The following ENPP6 variants were observed in gnomAD, a reference collection of about 807,000 sequenced individuals.
ENPP6 encodes glycerophosphocholine cholinephosphodiesterase ENPP6.
Under a neutral mutation model 42.0 loss-of-function variants are expected in ENPP6, and 32 were observed. The ratio of observed to expected loss-of-function variants is 0.76; its 90% CI spans 0.58 to 1.02. ENPP6 has a LOEUF of 1.02. Among genes scored for constraint, ENPP6 ranks in the 50% least tolerant of loss-of-function variants. ENPP6 has a pLI of 0.00. For missense variants in ENPP6, 552 were observed against 566.8 expected (o/e 0.97, Z 0.27); for synonymous variants, 213 against 216.0 (o/e 0.99, Z 0.12).
At chr4:184,201,862 A>G (rs951331611) in intron 1 of ENPP6, among the ~76,000 whole-genome samples, 2 of 152,096 alleles carry the variant, frequency 1.3e-5, no homozygotes, top group Non-Finnish European at 2.9e-5. Context: ...CATTACAGAG[A>G]GTATAGTTTA....
intron 2 of ENPP6, among the ~76,000 whole-genome samples, chr4:184,130,688 T>G (rs572814983): frequency 6.7e-6 from 1 of 148,610 alleles, no homozygotes; most frequent in East Asian, 1.9e-4. Flanking sequence ...CTAAACTACA[T>G]TCTATATCAT....
chr4:184,119,723 T>A (rs545171418), intron 3 of ENPP6, among the ~76,000 whole-genome samples: 11 of 152,248 alleles, frequency 7.2e-5, no homozygotes, highest in African/African-American at 2.2e-4. Context: ...GGGAGGTGAT[T>A]GGAGCATGGG....
chr4:184,113,915 C>CTT (rs1242906206), intron 5 of ENPP6, among the ~76,000 whole-genome samples: 1 of 127,436 alleles, frequency 7.8e-6, no homozygotes. Flanking sequence ...TTCTTTCTTT[C>CTT]TTTCTTTCTT....
intron 6 of ENPP6, among the ~76,000 whole-genome samples, chr4:184,102,182 C>T (rs41508148): frequency 0.012 from 1,881 of 152,276 alleles, 35 homozygotes; most frequent in Middle Eastern, 0.041. Flanking sequence ...ACAGTTTGTT[C>T]GACACTTGCC....
At chr4:184,211,320 A>G (rs1310316506) in intron 1 of ENPP6, among the ~76,000 whole-genome samples, 3 of 152,184 alleles carry the variant, frequency 2.0e-5, no homozygotes, top group Admixed American at 2.0e-4. Flanking sequence ...GAAAGGATCA[A>G]CAAAATTGAT....
rs191244677 is a variant in ENPP6, at chr4:184,171,247, T to C, written c.242-17514A>G. Among the ~76,000 whole-genome samples the C allele has an allele frequency of 1.3e-3, 193 of 152,304 alleles. 1 individual carries two copies. The highest frequency in any genetic ancestry group is 3.6e-3 in the African/African-American group (151 of 41,552). On this transcript the variant is annotated intron_variant, in intron 1 of 7. Transcript: ENST00000296741. The stretch of plus-strand genomic sequence containing the variant: ...GCTGCTGGCTGAGACCTTAGCTGGG[T>C]TGTCAGCAGCTGCATCCACCTGTGG...
At chr4:184,143,645 C>T (rs945705415) in intron 2 of ENPP6, among the ~76,000 whole-genome samples, 4 of 152,330 alleles carry the variant, frequency 2.6e-5, no homozygotes, top group African/African-American at 9.6e-5. Flanking sequence ...ATGGCCAATC[C>T]CGGAATTCTC....
chr4:184,113,564 T>C (rs1289778535), intron 5 of ENPP6, among the ~76,000 whole-genome samples: 1 of 152,176 alleles, frequency 6.6e-6, no homozygotes, highest in Non-Finnish European at 1.5e-5. Flanking sequence ...TGCTCTAATA[T>C]TATGTCAAAA....
At chr4:184,132,034 G>A (rs1280400861) in intron 2 of ENPP6, among the ~76,000 whole-genome samples, 2 of 152,116 alleles carry the variant, frequency 1.3e-5, no homozygotes, top group African/African-American at 4.8e-5. Context: ...AAGCGATTAG[G>A]TAGGAAGGAG....
At position 184,164,738 on chromosome 4, in the gene ENPP6, C is replaced by T. The variant is rs551398556; in HGVS notation, c.242-11005G>A. On this transcript the variant is annotated intron_variant, in intron 1 of 7. Coordinates refer to ENST00000296741, the MANE Select transcript of ENPP6 (RefSeq NM_153343.4). ...CTAGGAAAGGAATTCCACATTTCGT[C>T]CTCACCGTGGCCCTAAGGGATAAGT... Among the ~76,000 whole-genome samples, 36 of 152,326 alleles carry T rather than the reference C, an allele frequency of 2.4e-4. No individual in the cohort carries two copies. The South Asian group carries it at 6.8e-3, about 29-fold the overall frequency.
chr4:184,155,744 G>A (rs2111079756), intron 1 of ENPP6, among the ~76,000 whole-genome samples: 1 of 152,318 alleles, frequency 6.6e-6, no homozygotes, highest in South Asian at 2.1e-4. Flanking sequence ...TCACAAGGCT[G>A]CATACAAGGA....
At chr4:184,192,768 T>C (rs1732727913) in intron 1 of ENPP6, among the ~76,000 whole-genome samples, 1 of 152,228 alleles carries the variant, frequency 6.6e-6, no homozygotes, top group African/African-American at 2.4e-5. Flanking sequence ...ACAATCTAAT[T>C]TTTAAAATGA....
rs1296143793 is a variant in ENPP6 at position 184,096,073 on chromosome 4, C to A, written c.1117+1172G>T. Among the ~76,000 whole-genome samples the A allele has an allele frequency of 3.9e-5, 6 of 152,254 alleles. No homozygotes were observed. In the East Asian group the frequency reaches 1.2e-3, roughly 29 times the overall value. ...TTGCTGCTACTGCTTCTAATGCTCC[C>A]TTGAGGACTTGGGAACCTGGATCAC... On this transcript the variant is annotated intron_variant, in intron 7 of 7. Coordinates refer to ENST00000296741, the MANE Select transcript of ENPP6 (RefSeq NM_153343.4).
At chr4:184,204,587 C>G (rs1020714929) in intron 1 of ENPP6, among the ~76,000 whole-genome samples, 21 of 152,220 alleles carry the variant, frequency 1.4e-4, no homozygotes, top group African/African-American at 2.9e-4. Flanking sequence ...TTGGGCTGTG[C>G]TGACCACTGG....
At chr4:184,103,205 G>A (rs556820588) in intron 6 of ENPP6, among the ~76,000 whole-genome samples, 5 of 152,344 alleles carry the variant, frequency 3.3e-5, no homozygotes, top group South Asian at 2.1e-4. Flanking sequence ...AAAGGCCGGC[G>A]CCCATGGGAT....
chr4:184,169,766 G>A (rs751390676), intron 1 of ENPP6, among the ~76,000 whole-genome samples: 7 of 152,212 alleles, frequency 4.6e-5, no homozygotes, highest in Admixed American at 6.5e-5. Flanking sequence ...TCTCACAAGC[G>A]ACTTTGTGTT....
At chr4:184,163,966 G>A (rs983666151) in intron 1 of ENPP6, among the ~76,000 whole-genome samples, 5 of 152,206 alleles carry the variant, frequency 3.3e-5, no homozygotes, top group South Asian at 2.1e-4. Context: ...TCAATGGAGC[G>A]CCGAGTCCAG....
chr4:184,198,938 G>T (rs989091095), intron 1 of ENPP6, among the ~76,000 whole-genome samples: 3 of 152,108 alleles, frequency 2.0e-5, no homozygotes, highest in African/African-American at 7.2e-5. Flanking sequence ...CCTCCAACTG[G>T]CAAGTACCCT....
intron 1 of ENPP6, among the ~76,000 whole-genome samples, chr4:184,158,823 CA>C (rs1292556454): frequency 1.3e-5 from 2 of 152,064 alleles, no homozygotes; most frequent in African/African-American, 2.4e-5. Context: ...TCCTTTTTTT[CA>C]CAACTTTTTT....
Sources: allele counts gnomAD v4.1 joint callset (sites outside exome capture counted in the v4.1 genomes callset), GRCh38; gene constraint gnomAD v4.1.1; transcripts MANE v1.5; gene names NCBI Gene and HGNC (gene_info 2026-07-23, HGNC 2026-07-21).